Variants in SH3RF2 observed in about 807,000 individuals in gnomAD.
SH3RF2 encodes SH3 domain containing ring finger 2.
Under a neutral mutation model 59.0 loss-of-function variants are expected in SH3RF2, and 43 were observed. The observed-to-expected ratio is 0.73, with a 90% CI of 0.57 to 0.94. The LOEUF (loss-of-function observed/expected upper bound fraction) is 0.94, where lower values mean the gene tolerates loss of function less well. Among genes scored for constraint, SH3RF2 ranks in the 40% least tolerant of loss-of-function variants. SH3RF2 has a pLI of 0.00. For missense variants in SH3RF2, 930 were observed against 940.1 expected, an observed-to-expected ratio of 0.99 and a Z score of 0.14; for synonymous variants, 391 against 391.5, an observed-to-expected ratio of 1.00 and a Z score of 0.01.
chr5:146,064,717 A>AG (rs1763026889), downstream of SH3RF2, among the ~76,000 whole-genome samples: 1 of 28,232 alleles, frequency 3.5e-5, no homozygotes, highest in African/African-American at 1.3e-4. Flanking sequence ...AAAGAAAGAA[A>AG]GAAAGAAAGA....
intron 9 of SH3RF2, among the ~76,000 whole-genome samples, chr5:146,069,443 T>C (rs970274069): frequency 1.3e-5 from 2 of 152,142 alleles, no homozygotes; most frequent in Admixed American, 6.5e-5. Flanking sequence ...TAGCCAACCA[T>C]AGAAACCAAA....
chr5:146,072,841 T>C (rs1763267120), intron 9 of SH3RF2, among the ~76,000 whole-genome samples: 1 of 152,218 alleles, frequency 6.6e-6, no homozygotes. Context: ...TGTGTCATCA[T>C]GGGCAAGTCA....
intron 5 of SH3RF2, among the ~76,000 whole-genome samples, chr5:146,020,291 C>T (rs1761264934): frequency 6.6e-6 from 1 of 152,204 alleles, no homozygotes; most frequent in Admixed American, 6.5e-5. Context: ...TCTGCTGACA[C>T]ACACACGTGC....
At chr5:146,065,598 T>C (rs1763084057), downstream of SH3RF2, among the ~76,000 whole-genome samples, 1 of 152,202 alleles carries the variant, frequency 6.6e-6, no homozygotes, top group Admixed American at 6.5e-5. Flanking sequence ...ATTATCTCTT[T>C]GGGATAACCT....
chr5:146,058,350 T>A (rs1210165982), intron 8 of SH3RF2, among the ~76,000 whole-genome samples: 4 of 152,062 alleles, frequency 2.6e-5, no homozygotes, highest in Admixed American at 6.6e-5. Flanking sequence ...GCTATCAGTC[T>A]CTCCAGAGCA....
chr5:146,006,532 C>G lies in SH3RF2; in HGVS notation c.744+2379C>G, dbSNP rs534884832. On this transcript the variant is annotated intron_variant, in intron 4 of 9. Transcript: ENST00000359120. ...CTTATGCCAAGATCTGACAGATAGA[C>G]AGCATTTTAGATAATGGAGGTAGAA... Among the ~76,000 whole-genome samples the G allele has an allele frequency of 9.9e-5, 15 of 152,206 alleles. 3 individuals are homozygous for G. The highest frequency in any genetic ancestry group is 3.6e-4 in the African/African-American group (15 of 41,518).
intron 2 of SH3RF2, among the ~76,000 whole-genome samples, chr5:145,994,029 G>A (rs2149979037): frequency 6.6e-6 from 1 of 152,272 alleles, no homozygotes; most frequent in Admixed American, 6.5e-5. Flanking sequence ...ATGCTTTGCT[G>A]CTTAGAAATT....
intron 9 of SH3RF2, among the ~76,000 whole-genome samples, chr5:146,072,341 T>C (rs1329707498): frequency 1.3e-5 from 2 of 152,146 alleles, no homozygotes; most frequent in Non-Finnish European, 2.9e-5. Flanking sequence ...TGACATGGGC[T>C]TGAAAGCAGG....
chr5:145,988,848 C>T (rs903788120), intron 2 of SH3RF2, among the ~76,000 whole-genome samples: 1 of 152,118 alleles, frequency 6.6e-6, no homozygotes, highest in East Asian at 1.9e-4. Flanking sequence ...ATAGTGTCTC[C>T]CTCCTTATCA....
intron 2 of SH3RF2, among the ~76,000 whole-genome samples, chr5:145,988,294 C>T (rs1253746406): frequency 6.6e-6 from 1 of 151,568 alleles, no homozygotes; most frequent in Non-Finnish European, 1.5e-5. Context: ...CACCATAAGT[C>T]ACATTGTTAG....
intron 2 of SH3RF2, among the ~76,000 whole-genome samples, chr5:145,964,959 G>A (rs574159300): frequency 3.9e-5 from 6 of 152,242 alleles, no homozygotes; most frequent in South Asian, 2.1e-4. Flanking sequence ...TTGGGAGGCC[G>A]AGGCAGGTGG....
At chr5:145,964,992 A>C (rs1758804132) in intron 2 of SH3RF2, among the ~76,000 whole-genome samples, 1 of 152,098 alleles carries the variant, frequency 6.6e-6, no homozygotes, top group Non-Finnish European at 1.5e-5. Context: ...CAGGAGTTCG[A>C]GACTAGCCTG....
At position 146,059,618 on chromosome 5, in the gene SH3RF2, CTACACACA is replaced by C. The variant is rs772793295; in HGVS notation, c.1556-232_1556-225del. ...AGCAATATACCTTCTGACAGCCCCC[CTACACACA>C]TACACACATACACACTCACACACAC... On this transcript the variant is annotated intron_variant, in intron 8 of 9. Coordinates refer to ENST00000359120, the MANE Select transcript of SH3RF2 (RefSeq NM_152550.4). Among the ~76,000 whole-genome samples, 486 of 152,006 alleles carry C rather than the reference CTACACACA, an allele frequency of 3.2e-3. 2 individuals are homozygous for C. The highest frequency in any genetic ancestry group is 5.4e-3 in the African/African-American group (222 of 41,462).
chr5:146,064,673 A>AG (rs1491300145), downstream of SH3RF2, among the ~76,000 whole-genome samples: 1 of 3,532 alleles, frequency 2.8e-4, no homozygotes, highest in African/African-American at 6.7e-4. Flanking sequence ...AGAGAAAGAA[A>AG]GAAAGAAAGA....
At chr5:146,048,844 A>G (rs539126949) in intron 6 of SH3RF2, among the ~76,000 whole-genome samples, 9 of 152,170 alleles carry the variant, frequency 5.9e-5, no homozygotes, top group Non-Finnish European at 7.4e-5. Context: ...TTTAGTAGAG[A>G]TGGTATTTCA....
At chr5:145,951,888 A>T (rs1758206630) in intron 2 of SH3RF2, among the ~76,000 whole-genome samples, 1 of 152,182 alleles carries the variant, frequency 6.6e-6, no homozygotes, top group African/African-American at 2.4e-5. Context: ...AGCACTAGGT[A>T]AGAACAGGGG....
At chr5:145,963,007 C>A (rs1758690289) in intron 2 of SH3RF2, among the ~76,000 whole-genome samples, 9 of 150,880 alleles carry the variant, frequency 6.0e-5, no homozygotes, top group Admixed American at 6.0e-4. Flanking sequence ...ACACCATTCT[C>A]CTGTCTCAGC....
At chr5:145,956,068 C>T (rs1580767753) in intron 2 of SH3RF2, among the ~76,000 whole-genome samples, 1 of 152,102 alleles carries the variant, frequency 6.6e-6, no homozygotes, top group African/African-American at 2.4e-5. Flanking sequence ...TAGCTGAGGA[C>T]CCTGTTAAAA....
intron 2 of SH3RF2, among the ~76,000 whole-genome samples, chr5:145,998,333 G>T (rs1326463042): frequency 3.4e-5 from 5 of 149,088 alleles, no homozygotes; most frequent in Non-Finnish European, 7.4e-5. Flanking sequence ...ATCTGAAAAT[G>T]CATATATGTA....
Sources: gnomAD v4.1 joint callset for allele counts (sites outside exome capture counted in the v4.1 genomes callset) on GRCh38, gnomAD v4.1.1 for gene constraint, MANE v1.5 for transcripts, NCBI Gene and HGNC (gene_info 2026-07-23, HGNC 2026-07-21) for gene names.